Variants in ZNF430 observed in about 807,000 individuals in gnomAD.
ZNF430 encodes the protein zinc finger protein 430.
A neutral mutation model predicts 56.7 loss-of-function variants in ZNF430; 35 were observed. The ratio of observed to expected loss-of-function variants is 0.62; its 90% CI spans 0.47 to 0.82. The LOEUF (loss-of-function observed/expected upper bound fraction) is 0.82, where lower values mean the gene tolerates loss of function less well. Ranked by LOEUF, ZNF430 falls within the 40% of genes least tolerant of loss-of-function variation. ZNF430 has a pLI of 0.00. For missense variants in ZNF430, 574 were observed against 661.0 expected (o/e 0.87, Z 1.44); for synonymous variants, 212 against 224.3 (o/e 0.94, Z 0.49).
rs1040309449 is a variant in ZNF430, at chr19:21,048,678, G to A, written c.323-7953G>A. On this transcript the variant is annotated intron_variant, in intron 4 of 4. Coordinates refer to ENST00000261560, the MANE Select transcript of ZNF430 (RefSeq NM_025189.4). The stretch of plus-strand genomic sequence containing the variant: ...AAAACCGCCATCGTCATCATGGCCC[G>A]TTCTCAATGAGCTGTTGGGTACACC... 1.5e-3 allele frequency among the ~76,000 whole-genome samples: 228 copies of A among 151,992 alleles called. 1 individual carries two copies. Among genetic ancestry groups the A allele is most frequent in the African/African-American group, 5.3e-3 (218 of 41,482 alleles).
At chr19:21,055,181 C>T (rs77485669) in intron 4 of ZNF430, among the ~76,000 whole-genome samples, 7,441 of 151,668 alleles carry the variant, frequency 0.049, 614 homozygotes, top group African/African-American at 0.17. Context: ...TATGGTTTCT[C>T]TCTGAAACTT....
At chr19:21,024,197 C>A (rs1286160050) in intron 2 of ZNF430, among the ~76,000 whole-genome samples, 1 of 152,118 alleles carries the variant, frequency 6.6e-6, no homozygotes, top group African/African-American at 2.4e-5. Flanking sequence ...GTGGAAGAAG[C>A]TTTTCTGCTG....
At chr19:21,029,897 G>A (rs184561259) in intron 2 of ZNF430, among the ~76,000 whole-genome samples, 63 of 152,028 alleles carry the variant, frequency 4.1e-4, no homozygotes, top group Admixed American at 9.2e-4. Context: ...CCCGGGAGGC[G>A]GAGGTTGCAT....
chr19:21,048,543 T>A (rs1486722860), intron 4 of ZNF430, among the ~76,000 whole-genome samples: 3 of 152,130 alleles, frequency 2.0e-5, no homozygotes, highest in Non-Finnish European at 4.4e-5. Flanking sequence ...GAAGAATTTT[T>A]CTTAGTACAG....
intron 4 of ZNF430, 164 bp downstream of exon 4, chr19:21,034,348 C>G (rs1334136908): frequency 2.6e-5 from 13 of 494,402 alleles, no homozygotes; most frequent in Non-Finnish European, 4.6e-5. Context: ...CATCTTCTGT[C>G]TTATGCTTTT....
intron 2 of ZNF430, among the ~76,000 whole-genome samples, chr19:21,028,395 G>T (rs1415911927): frequency 6.6e-6 from 1 of 152,184 alleles, no homozygotes; most frequent in Admixed American, 6.5e-5. Flanking sequence ...CTGGAGTAGA[G>T]TATTCTTGTC....
rs1217087221 is a variant in ZNF430, at chr19:21,059,480, G to A, written c.*1459G>A. ...ATTGCTTGAACCCGGGAGGTGGAGAGTGCAGTGAACTGAAATTGCGCCATT... is the reference window on the plus strand; with the variant it reads ...ATTGCTTGAACCCGGGAGGTGGAGAATGCAGTGAACTGAAATTGCGCCATT... On this transcript the variant is annotated 3_prime_UTR_variant, in exon 5 of 5. Transcript: ENST00000261560. 1.3e-5 allele frequency: 2 copies of A among 149,874 alleles called. No individual in the cohort carries two copies. Among genetic ancestry groups the A allele is most frequent in the African/African-American group, 4.9e-5 (2 of 40,510 alleles). The allele number at this position is 149,874 out of a possible 1,614,324, so 9.3% of individuals were successfully genotyped here.
Position 21,056,897 on chromosome 19 carries a change from A to T in ZNF430, c.589A>T (p.Ile197Leu). The T allele has an allele frequency of 2.5e-6, 4 of 1,612,224 alleles. No homozygotes were observed. The highest frequency in any genetic ancestry group is 3.4e-6 in the Non-Finnish European group (4 of 1,179,204). Residue 197 changes from isoleucine (I) to leucine (L), a missense_variant, in exon 5 of 5, where the codon ATA (isoleucine) becomes TTA (leucine). Transcript: ENST00000261560. ...YKFSNPNIQK[I>L]RHTGKKPFKC... is the part of the protein sequence containing the mutation. ...ATTTTCAAATCCAAATATACAAAAG[A>T]TAAGACATACTGGAAAGAAGCCTTT...
intron 4 of ZNF430, among the ~76,000 whole-genome samples, chr19:21,037,336 T>G (rs960316892): frequency 2.7e-5 from 4 of 147,674 alleles, no homozygotes; most frequent in African/African-American, 1.1e-4. Flanking sequence ...CAGGCTGGTC[T>G]CAAACTCCTG....
In ZNF430 at chr19:21,059,410, G is replaced by C. The variant is rs1364365685; in HGVS notation, c.*1389G>C. On this transcript the variant is annotated 3_prime_UTR_variant, in exon 5 of 5. Transcript: ENST00000261560. ...AATACAAAATTAGCCAGCTGTGGTG[G>C]TGTATGCCTGTAATCACAGCTACTC... 1 of 152,112 alleles carries C rather than the reference G, an allele frequency of 6.6e-6. No individual in the cohort carries two copies. Among genetic ancestry groups the C allele is most frequent in the Non-Finnish European group, 1.5e-5 (1 of 68,062 alleles). 9.4% of individuals were successfully genotyped at this position (152,112 alleles called of 1,614,324 possible).
chr19:21,021,863 T>A (rs1349445957), intron 1 of ZNF430, among the ~76,000 whole-genome samples: 2 of 132,862 alleles, frequency 1.5e-5, no homozygotes, highest in Non-Finnish European at 3.1e-5. Flanking sequence ...TGAGATGGAG[T>A]CTCGCTCTTG....
chr19:21,023,446 T>G (rs138143340), intron 2 of ZNF430, among the ~76,000 whole-genome samples: 1 of 152,294 alleles, frequency 6.6e-6, no homozygotes. Flanking sequence ...ATAAAAGTGG[T>G]GGGTTTAAGA....
At chr19:21,053,637 GC>G in intron 4 of ZNF430, 1 of 152,220 alleles carries the variant, frequency 6.6e-6, no homozygotes. Flanking sequence ...CAGGCGATCC[GC>G]CCATCTTGGC....
intron 4 of ZNF430, among the ~76,000 whole-genome samples, chr19:21,040,504 G>A (rs1478409388): frequency 6.6e-6 from 1 of 152,176 alleles, no homozygotes; most frequent in Non-Finnish European, 1.5e-5. Flanking sequence ...GATATGTCCA[G>A]CTACTCTGCC....
intron 4 of ZNF430, among the ~76,000 whole-genome samples, chr19:21,050,181 G>A (rs1968260646): frequency 1.5e-5 from 1 of 67,940 alleles, no homozygotes; most frequent in Non-Finnish European, 4.3e-5. Context: ...ACTGTGCCCA[G>A]CCCCCCTATA....
At chr19:21,021,212 G>A (rs1967675659) in intron 1 of ZNF430, among the ~76,000 whole-genome samples, 1 of 152,050 alleles carries the variant, frequency 6.6e-6, no homozygotes, top group Non-Finnish European at 1.5e-5. Context: ...TATTAAAAAT[G>A]TACAGACCGG....
At chr19:21,050,824 TC>T (rs1968271563) in intron 4 of ZNF430, among the ~76,000 whole-genome samples, 1 of 152,106 alleles carries the variant, frequency 6.6e-6, no homozygotes, top group African/African-American at 2.4e-5. Context: ...GGTCAGGAGT[TC>T]AAGACCAGTC....
chr19:21,050,822 G>A (rs1226576670), intron 4 of ZNF430, among the ~76,000 whole-genome samples: 1 of 152,154 alleles, frequency 6.6e-6, no homozygotes, highest in Non-Finnish European at 1.5e-5. Context: ...GAGGTCAGGA[G>A]TTCAAGACCA....
At chr19:21,055,791 C>G (rs1377026223) in intron 4 of ZNF430, among the ~76,000 whole-genome samples, 2 of 152,096 alleles carry the variant, frequency 1.3e-5, no homozygotes, top group Non-Finnish European at 2.9e-5. Context: ...ACTTGCTACA[C>G]CTGTTTTCTG....
Sources: gnomAD v4.1 joint callset for allele counts (sites outside exome capture counted in the v4.1 genomes callset) on GRCh38, gnomAD v4.1.1 for gene constraint, MANE v1.5 for transcripts, NCBI Gene and HGNC (gene_info 2026-07-23, HGNC 2026-07-21) for gene names.